Variants in UGT1A6 observed in about 807,000 individuals in gnomAD.
The protein encoded by UGT1A6 is UDP-glucuronosyltransferase 1A6.
Under a neutral mutation model 44.4 loss-of-function variants are expected in UGT1A6, and 32 were observed. The observed-to-expected ratio is 0.72, with a 90% CI of 0.54 to 0.97. UGT1A6 has a LOEUF of 0.97. UGT1A6 is among the 50% of genes least tolerant of loss of function. The pLI is 0.00. For missense variants in UGT1A6, 685 were observed against 661.9 expected, an observed-to-expected ratio of 1.03 and a Z score of -0.38; for synonymous variants, 238 against 248.5, an observed-to-expected ratio of 0.96 and a Z score of 0.40.
In UGT1A6 at chr2:233,767,901, T is replaced by C; in HGVS notation, c.1046T>C (p.Ile349Thr). The C allele has an allele frequency of 6.2e-6, 10 of 1,614,218 alleles. No individual in the cohort carries two copies. Among genetic ancestry groups the C allele is most frequent in the Non-Finnish European group, 2.5e-6 (3 of 1,180,042 alleles). Residue 349 changes from isoleucine (I) to threonine (T), a missense_variant, in exon 3 of 5, where the codon ATA becomes ACA. Transcript: ENST00000305139. ...TRPSNLANNT[I>T]LVKWLPQNDL... is the part of the protein sequence containing the mutation. ...CCATCGAATCTTGCGAACAACACGATACTTGTTAAGTGGCTACCCCAAAAC... is the reference window on the plus strand; with the variant it reads ...CCATCGAATCTTGCGAACAACACGACACTTGTTAAGTGGCTACCCCAAAAC...
rs28898623 is a variant in UGT1A6, at chr2:233,737,700, C to T, written c.862-29334C>T. On this transcript the variant is annotated intron_variant, in intron 1 of 4. Coordinates refer to ENST00000305139, the MANE Select transcript of UGT1A6 (RefSeq NM_001072.4). ...ATTTGGCCATTGGTGCTGAAGCTTC[C>T]GTTCTCCTCTCCAACACCTCCTTTT... Among the ~76,000 whole-genome samples the T allele has an allele frequency of 1.4e-3, 213 of 152,228 alleles. 1 individual carries two copies. The highest frequency in any genetic ancestry group is 4.8e-3 in the African/African-American group (199 of 41,534).
At chr2:233,759,591 C>T (rs984696431) in intron 1 of UGT1A6, among the ~76,000 whole-genome samples, 2 of 147,100 alleles carry the variant, frequency 1.4e-5, no homozygotes, top group Non-Finnish European at 3.0e-5. Context: ...GCACGCCCCC[C>T]ACCCCCGACC....
chr2:233,761,269 T>C, intron 1 of UGT1A6: 1 of 1,591,986 alleles, frequency 6.3e-7, no homozygotes, highest in Non-Finnish European at 8.6e-7. Context: ...TAAAATGCCC[T>C]CTTTTGTTAA....
intron 1 of UGT1A6, chr2:233,747,967 C>T: frequency 6.2e-7 from 1 of 1,613,484 alleles, no homozygotes; most frequent in Non-Finnish European, 8.5e-7. Flanking sequence ...CTCAGCCATG[C>T]ATCTGTGTGG....
intron 1 of UGT1A6, chr2:233,755,333 G>A (rs878855763): frequency 4.4e-6 from 2 of 455,268 alleles, no homozygotes; most frequent in South Asian, 1.9e-5. Flanking sequence ...CAGCACCCGC[G>A]CACAGGTCAG....
At chr2:233,749,490 C>A (rs1026732516) in intron 1 of UGT1A6, among the ~76,000 whole-genome samples, 4 of 151,770 alleles carry the variant, frequency 2.6e-5, no homozygotes, top group Non-Finnish European at 5.9e-5. Flanking sequence ...TCTTGCTATG[C>A]CCCTTAGAGA....
chr2:233,762,498 T>G (rs1698092271), intron 1 of UGT1A6, among the ~76,000 whole-genome samples: 1 of 152,236 alleles, frequency 6.6e-6, no homozygotes, highest in African/African-American at 2.4e-5. Flanking sequence ...TGCTATTACT[T>G]TTTAAACTAT....
chr2:233,729,421 C>T (rs1041783998), intron 1 of UGT1A6: 2 of 1,613,652 alleles, frequency 1.2e-6, no homozygotes, highest in Non-Finnish European at 1.7e-6. Context: ...CCACACTCAA[C>T]TGTACTTTGA....
chr2:233,713,149 C>G, intron 1 of UGT1A6: 5 of 1,614,172 alleles, frequency 3.1e-6, no homozygotes, highest in Non-Finnish European at 4.2e-6. Flanking sequence ...GACCTCCATG[C>G]GAGAGGCCAC....
intron 1 of UGT1A6, chr2:233,743,777 T>C (rs1692497212): frequency 7.3e-7 from 1 of 1,367,292 alleles, no homozygotes; most frequent in Admixed American, 1.9e-5. Flanking sequence ...GGCCACCTGC[T>C]TGAATCTCCT....
chr2:233,768,337 C>A lies in UGT1A6; in HGVS notation c.1199C>A (p.Ala400Glu). 1 of 1,614,128 alleles carries A rather than the reference C, an allele frequency of 6.2e-7. No individual in the cohort carries two copies. Among genetic ancestry groups the A allele is most frequent in the African/African-American group, 1.3e-5 (1 of 75,022 alleles). ...TTGTTTGGTGATCAGATGGACAATG[C>A]AAAGCGCATGGAGACTAAGGGAGCT... The part of the protein sequence containing the change: ...MPLFGDQMDN[A>E]KRMETKGAGV... The change falls in exon 4 of 5, where the codon GCA becomes GAA. Residue 400 changes from alanine to glutamate, a missense_variant. Coordinates refer to ENST00000305139, the MANE Select transcript of UGT1A6 (RefSeq NM_001072.4).
intron 1 of UGT1A6, chr2:233,729,580 G>T (rs1173823141): frequency 2.5e-6 from 4 of 1,613,992 alleles, no homozygotes; most frequent in Non-Finnish European, 3.4e-6. Flanking sequence ...GGTTTTAACA[G>T]ACCCCGTTAA....
chr2:233,703,336 C>G (rs766633275), intron 1 of UGT1A6, among the ~76,000 whole-genome samples: 3 of 151,932 alleles, frequency 2.0e-5, no homozygotes, highest in Non-Finnish European at 4.4e-5. Context: ...AGTCTTCTCT[C>G]TTTTTTCTTT....
chr2:233,698,288 A>C (rs936526047), intron 1 of UGT1A6, among the ~76,000 whole-genome samples: 8 of 152,256 alleles, frequency 5.3e-5, no homozygotes, highest in African/African-American at 1.9e-4. Context: ...CTATGAAAAA[A>C]AATGTGTCTT....
chr2:233,709,060 T>C (rs1267466061), intron 1 of UGT1A6, among the ~76,000 whole-genome samples: 1 of 151,506 alleles, frequency 6.6e-6, no homozygotes, highest in East Asian at 1.9e-4. Flanking sequence ...GGATTCCTAG[T>C]TAAAGTTCTT....
intron 1 of UGT1A6, chr2:233,721,746 A>C: frequency 2.3e-6 from 1 of 444,024 alleles, no homozygotes. Context: ...TGATGAGAGA[A>C]TCTACATCTA....
chr2:233,750,143 G>C (rs1694374277), intron 1 of UGT1A6, among the ~76,000 whole-genome samples: 1 of 151,908 alleles, frequency 6.6e-6, no homozygotes, highest in Admixed American at 6.5e-5. Context: ...GAACTTCCTA[G>C]AGACTTGTTG....
intron 1 of UGT1A6, among the ~76,000 whole-genome samples, chr2:233,744,391 C>A (rs1383619511): frequency 6.6e-6 from 1 of 151,826 alleles, no homozygotes; most frequent in Non-Finnish European, 1.5e-5. Flanking sequence ...ACGTTCCAGC[C>A]CCGGTGCCCA....
In UGT1A6 at chr2:233,737,318, G is replaced by C. The variant is rs1217578074; in HGVS notation, c.862-29716G>C. On this transcript the variant is annotated intron_variant, in intron 1 of 4. Coordinates refer to ENST00000305139, the MANE Select transcript of UGT1A6 (RefSeq NM_001072.4). ...CCTCACAGTTCAATCTCAGACTGCT[G>C]CACTAGCAGTGAGCAAGGCTCCGTG... 2.0e-5 allele frequency among the ~76,000 whole-genome samples: 3 copies of C among 152,236 alleles called. No homozygotes were observed. In the East Asian group the frequency reaches 5.8e-4, roughly 29 times the overall value.
Sources: gnomAD v4.1 joint callset for allele counts (sites outside exome capture counted in the v4.1 genomes callset) on GRCh38, gnomAD v4.1.1 for gene constraint, MANE v1.5 for transcripts, NCBI Gene and HGNC (gene_info 2026-07-23, HGNC 2026-07-21) for gene names.